Variants in CAMSAP2 observed in about 807,000 individuals in gnomAD.
The protein encoded by CAMSAP2 is calmodulin-regulated spectrin-associated protein 2.
Under a neutral mutation model 146.1 loss-of-function variants are expected in CAMSAP2, and 26 were observed. The observed-to-expected ratio is 0.18, with a 90% CI of 0.13 to 0.25. CAMSAP2 has a LOEUF of 0.25. Ranked by LOEUF, CAMSAP2 falls within the 10% of genes least tolerant of loss-of-function variation. The probability of loss-of-function intolerance (pLI) is 1.00; values close to 1 mark genes in which losing one functional copy is unlikely to be tolerated. For synonymous variants in CAMSAP2, 499 were observed against 596.6 expected, an observed-to-expected ratio of 0.84 and a Z score of 2.38; for missense variants, 1,381 against 1,759.3, an observed-to-expected ratio of 0.78 and a Z score of 3.85.
At chr1:200,842,159 G>C in intron 7 of CAMSAP2, 72 bp downstream of exon 7, 1 of 1,114,850 alleles carries the variant, frequency 9.0e-7, no homozygotes, top group South Asian at 1.3e-5. Context: ...ACCTTACCTG[G>C]TTACATTTTT....
chr1:200,760,490 A>G (rs144520445), intron 1 of CAMSAP2, among the ~76,000 whole-genome samples: 2 of 152,314 alleles, frequency 1.3e-5, no homozygotes, highest in Non-Finnish European at 2.9e-5. Context: ...GCCTGTGAGG[A>G]GCGTCATTGA....
At chr1:200,804,373 T>C (rs1666117258) in intron 2 of CAMSAP2, among the ~76,000 whole-genome samples, 1 of 152,186 alleles carries the variant, frequency 6.6e-6, no homozygotes. Flanking sequence ...AATAGTTTAA[T>C]ATATCATAAA....
chr1:200,851,303 C>T (rs755569779), intron 11 of CAMSAP2, among the ~76,000 whole-genome samples: 9 of 152,260 alleles, frequency 5.9e-5, no homozygotes, highest in East Asian at 3.9e-4. Context: ...TGGGTTCAGG[C>T]GATTCTCCTG....
At position 200,848,367 on chromosome 1, in the gene CAMSAP2, T is replaced by C; in HGVS notation, c.1598T>C (p.Phe533Ser). 6.2e-7 allele frequency: 1 copy of C among 1,614,020 alleles called. No homozygotes were observed. The highest frequency in any genetic ancestry group is 8.5e-7 in the Non-Finnish European group (1 of 1,179,960). ...ALQNRILLDEFGNQIETPSIE... is the reference protein window; with the variant it reads ...ALQNRILLDESGNQIETPSIE... The stretch of plus-strand genomic sequence containing the variant: ...CAAAATAGAATACTTCTTGACGAGT[T>C]TGGCAATCAGATCGAGACACCAAGC... Residue 533 changes from phenylalanine (F) to serine (S), a missense_variant, in exon 11 of 17, where the codon TTT becomes TCT. Phe to Ser is a radical substitution (Grantham distance 155, BLOSUM62 -2). Coordinates refer to ENST00000358823, the MANE Select transcript of CAMSAP2 (RefSeq NM_203459.4).
intron 2 of CAMSAP2, among the ~76,000 whole-genome samples, chr1:200,781,207 A>G (rs1481576947): frequency 6.6e-6 from 1 of 152,236 alleles, no homozygotes; most frequent in African/African-American, 2.4e-5. Flanking sequence ...AAAACTTTCA[A>G]ATCTGGAAAG....
At position 200,849,608 on chromosome 1, in the gene CAMSAP2, C is replaced by A; in HGVS notation, c.2839C>A (p.Pro947Thr). 1 of 1,614,190 alleles carries A rather than the reference C, an allele frequency of 6.2e-7. No homozygotes were observed. Among genetic ancestry groups the A allele is most frequent in the Non-Finnish European group, 8.5e-7 (1 of 1,180,030 alleles). ...KQAGLSSAIA[P>T]FSSDSPRPTH... Reference sequence around the variant, plus strand: ...GGCAGGCCTGTCATCAGCCATTGCACCATTCTCCTCAGACTCCCCTCGTCC... The same window carrying A: ...GGCAGGCCTGTCATCAGCCATTGCAACATTCTCCTCAGACTCCCCTCGTCC... The change falls in exon 11 of 17, where the codon CCA becomes ACA. Residue 947 changes from proline (P) to threonine (T), a missense_variant. This residue lies in a region of CAMSAP2 where 560 missense variants were observed against 715.9 expected (regional missense o/e 0.78). Transcript: ENST00000358823. The surrounding 1 kb of genome is among the most constrained non-coding windows in gnomAD (Gnocchi z 6.3).
intron 13 of CAMSAP2, among the ~76,000 whole-genome samples, chr1:200,854,407 G>GA (rs1386274911): frequency 6.6e-6 from 1 of 152,018 alleles, no homozygotes; most frequent in Non-Finnish European, 1.5e-5. Flanking sequence ...TAAACCTGAG[G>GA]AAAAATAACA....
intron 1 of CAMSAP2, among the ~76,000 whole-genome samples, chr1:200,754,039 A>G (rs976783209): frequency 1.3e-5 from 2 of 152,164 alleles, no homozygotes; most frequent in Non-Finnish European, 2.9e-5. Context: ...ACTCCTTCAT[A>G]CACAGTGATG....
At chr1:200,796,454 T>G (rs1665886869) in intron 2 of CAMSAP2, among the ~76,000 whole-genome samples, 1 of 152,136 alleles carries the variant, frequency 6.6e-6, no homozygotes, top group African/African-American at 2.4e-5. Context: ...GTGAGTCCCT[T>G]GAGCTTTAAT....
chr1:200,779,018 T>G (rs1278226469), intron 2 of CAMSAP2, among the ~76,000 whole-genome samples: 1 of 152,116 alleles, frequency 6.6e-6, no homozygotes, highest in Non-Finnish European at 1.5e-5. Flanking sequence ...GTTAGCAAAT[T>G]GGGAAATTAA....
chr1:200,786,809 G>C (rs573782360), intron 2 of CAMSAP2, among the ~76,000 whole-genome samples: 11 of 152,200 alleles, frequency 7.2e-5, no homozygotes, highest in Non-Finnish European at 1.6e-4. Flanking sequence ...TGACTGTTTT[G>C]TTATGGGCTA....
chr1:200,802,379 A>G (rs959895170), intron 2 of CAMSAP2, among the ~76,000 whole-genome samples: 3 of 152,224 alleles, frequency 2.0e-5, no homozygotes, highest in Non-Finnish European at 4.4e-5. Flanking sequence ...ATATCATCTC[A>G]GCGGAGTTGC....
chr1:200,832,154 G>A lies in CAMSAP2; in HGVS notation c.646-46G>A, dbSNP rs201929737. ...TACAGTACTGATTTTTTTCCTATGCGTTATTTGGTACTTATTTATTTTCAT... is the reference window on the plus strand; with the variant it reads ...TACAGTACTGATTTTTTTCCTATGCATTATTTGGTACTTATTTATTTTCAT... On this transcript the variant is annotated intron_variant, in intron 4 of 16. Transcript: ENST00000358823. The surrounding 1 kb of genome is among the most constrained non-coding windows in gnomAD (Gnocchi z 4.2). The A allele has an allele frequency of 2.6e-5, 39 of 1,504,128 alleles. No individual in the cohort carries two copies. Among genetic ancestry groups the A allele is most frequent in the Non-Finnish European group, 3.1e-5 (35 of 1,114,262 alleles). The allele number at this position is 1,504,128 out of a possible 1,614,324, so 93.2% of individuals were successfully genotyped here.
chr1:200,852,294 T>C (rs1026523220), intron 11 of CAMSAP2, among the ~76,000 whole-genome samples: 1 of 152,220 alleles, frequency 6.6e-6, no homozygotes, highest in African/African-American at 2.4e-5. Flanking sequence ...TGGTTGTTCT[T>C]TGCAAATCTC....
chr1:200,795,391 G>A (rs1344085300), intron 2 of CAMSAP2, among the ~76,000 whole-genome samples: 1 of 152,170 alleles, frequency 6.6e-6, no homozygotes, highest in East Asian at 1.9e-4. Context: ...AAGGTTTGAT[G>A]CCAGGGAATT....
At chr1:200,776,623 C>T (rs1011288781) in intron 2 of CAMSAP2, among the ~76,000 whole-genome samples, 29 of 151,910 alleles carry the variant, frequency 1.9e-4, no homozygotes, top group African/African-American at 3.9e-4. Flanking sequence ...ACTTGGGAGA[C>T]GGAGGCAGGA....
At chr1:200,805,245 C>A (rs1666141739) in intron 2 of CAMSAP2, among the ~76,000 whole-genome samples, 1 of 152,216 alleles carries the variant, frequency 6.6e-6, no homozygotes, top group African/African-American at 2.4e-5. Context: ...GCTCAGTTTT[C>A]TAGAAGCTGG....
intron 4 of CAMSAP2, among the ~76,000 whole-genome samples, chr1:200,828,324 A>G (rs915811878): frequency 2.0e-5 from 3 of 152,204 alleles, no homozygotes; most frequent in African/African-American, 4.8e-5. Flanking sequence ...TATACAGCAT[A>G]TTCTAGGTAT....
chr1:200,740,194 T>C (rs1664120792), intron 1 of CAMSAP2, among the ~76,000 whole-genome samples: 1 of 152,242 alleles, frequency 6.6e-6, no homozygotes, highest in African/African-American at 2.4e-5. Context: ...ATTCCTTTTA[T>C]TGGATGGCAA....
Sources: gnomAD v4.1 joint callset for allele counts (sites outside exome capture counted in the v4.1 genomes callset) on GRCh38, gnomAD v4.1.1 for gene constraint, gnomAD v4.1.1 regional missense constraint, Gnocchi (gnomAD v3.1) non-coding constraint, MANE v1.5 for transcripts, NCBI Gene and HGNC (gene_info 2026-07-23, HGNC 2026-07-21) for gene names.